The following RERE variants were observed in gnomAD, a reference collection of about 807,000 sequenced individuals.
RERE encodes the protein arginine-glutamic acid dipeptide repeats.
RERE carries 40 observed loss-of-function variants against 146.1 expected under a neutral mutation model. That is an observed-to-expected ratio of 0.27 (90% confidence interval 0.21 to 0.36). RERE has a LOEUF of 0.36. RERE is among the 10% of genes least tolerant of loss of function. RERE has a pLI of 1.00. For missense variants in RERE, 1,933 were observed against 2,138.7 expected (o/e 0.90, Z 1.90); for synonymous variants, 1,003 against 866.0 (o/e 1.16, Z -2.78).
intron 12 of RERE, among the ~76,000 whole-genome samples, chr1:8,386,539 GAACATACATTATTTAAGATGAATAT>G (rs1642686232): frequency 1.3e-5 from 1 of 78,478 alleles, no homozygotes; most frequent in Non-Finnish European, 3.2e-5. Context: ...GCAGTGAACT[GAACATACATTATTTAAGATGAATAT>G]CTAGAACTCT....
chr1:8,465,616 ATCAC>A (rs1348692644), intron 11 of RERE: 1 of 415,102 alleles, frequency 2.4e-6, no homozygotes, highest in Non-Finnish European at 4.7e-6. Context: ...ATAGGGAGGT[ATCAC>A]AAGCTAGCTT....
chr1:8,384,699 G>C (rs371796303), intron 12 of RERE, among the ~76,000 whole-genome samples: 1 of 152,190 alleles, frequency 6.6e-6, no homozygotes. Context: ...GCTCCCTCTA[G>C]TTACAGACAA....
intron 7 of RERE, among the ~76,000 whole-genome samples, chr1:8,534,380 A>G (rs1645697502): frequency 6.6e-6 from 1 of 152,250 alleles, no homozygotes; most frequent in Admixed American, 6.5e-5. Flanking sequence ...GAAATTCTGT[A>G]GTACTGGATT....
At position 8,656,274 on chromosome 1, in the gene RERE, G is replaced by A. The variant is rs1261174328; in HGVS notation, c.24C>T (p.Asp8=). MTADKDK[D]KDKEKDRDRD... ...GGTCCCGGTCCTTCTCTTTGTCTTT[G>A]TCTTTGTCTTTGTCCGCTGTCATGA... Residue 8 remains aspartate (D), a synonymous_variant, in exon 2 of 23, where the codon GAC becomes GAT. Coordinates refer to ENST00000400908, the MANE Select transcript of RERE (RefSeq NM_001042681.2). 3.1e-6 allele frequency: 5 copies of A among 1,612,610 alleles called. No homozygotes were observed. The highest frequency in any genetic ancestry group is 1.3e-5 in the African/African-American group (1 of 74,648).
At chr1:8,518,469 G>C (rs527523657) in intron 7 of RERE, among the ~76,000 whole-genome samples, 72 of 152,294 alleles carry the variant, frequency 4.7e-4, no homozygotes, top group African/African-American at 1.7e-3. Flanking sequence ...GTATTAAGTT[G>C]AGCAGGAAGA....
At chr1:8,476,346 TGCTACTGGG>T (rs771001904) in intron 10 of RERE, among the ~76,000 whole-genome samples, 1 of 152,182 alleles carries the variant, frequency 6.6e-6, no homozygotes, top group Non-Finnish European at 1.5e-5. Flanking sequence ...CCTAGAATGT[TGCTACTGGG>T]GCAGTTTAGG....
chr1:8,572,408 TTCTA>T (rs1646232275), intron 4 of RERE, among the ~76,000 whole-genome samples: 2 of 152,226 alleles, frequency 1.3e-5, no homozygotes, highest in Admixed American at 6.5e-5. Context: ...GCTGTGACTC[TTCTA>T]TCTATTGCTA....
intron 7 of RERE, among the ~76,000 whole-genome samples, chr1:8,539,046 GGTTA>G (rs1645763687): frequency 6.6e-6 from 1 of 152,076 alleles, no homozygotes; most frequent in Non-Finnish European, 1.5e-5. Context: ...AAATAATTTT[GGTTA>G]GTTGTTACAA....
intron 11 of RERE, among the ~76,000 whole-genome samples, chr1:8,427,842 G>T (rs887939037): frequency 1.8e-4 from 27 of 152,124 alleles, no homozygotes; most frequent in Admixed American, 2.0e-4. Context: ...ATTGGAAGGG[G>T]TCACACGTGA....
intron 1 of RERE, among the ~76,000 whole-genome samples, chr1:8,743,204 T>C (rs1640346737): frequency 2.6e-5 from 4 of 151,910 alleles, no homozygotes; most frequent in Admixed American, 2.6e-4. Flanking sequence ...GAGACCAACC[T>C]GGGCAACAAG....
intron 7 of RERE, among the ~76,000 whole-genome samples, chr1:8,532,504 T>A (rs1228587612): frequency 6.6e-6 from 1 of 152,148 alleles, no homozygotes; most frequent in Non-Finnish European, 1.5e-5. Flanking sequence ...CACTGCAACC[T>A]CCACCTCCTG....
intron 11 of RERE, among the ~76,000 whole-genome samples, chr1:8,447,794 G>A (rs528878441): frequency 3.3e-5 from 5 of 152,286 alleles, no homozygotes; most frequent in South Asian, 2.1e-4. Context: ...ACTTGCCTGC[G>A]TCTGCCACCC....
intron 2 of RERE, among the ~76,000 whole-genome samples, chr1:8,654,177 C>A (rs1647796493): frequency 6.6e-6 from 1 of 151,942 alleles, no homozygotes; most frequent in Admixed American, 6.6e-5. Flanking sequence ...GTAGCTGGGA[C>A]TGCAGTCTCA....
intron 1 of RERE, among the ~76,000 whole-genome samples, chr1:8,667,113 A>T (rs1468537320): frequency 1.3e-5 from 2 of 152,184 alleles, no homozygotes; most frequent in Non-Finnish European, 2.9e-5. Context: ...GCTTTGGGGA[A>T]ACAACTGAGA....
chr1:8,763,093 T>C (rs1370502410), intron 1 of RERE, among the ~76,000 whole-genome samples: 1 of 151,838 alleles, frequency 6.6e-6, no homozygotes, highest in Non-Finnish European at 1.5e-5. Flanking sequence ...AGGACGAAAA[T>C]GAAAACAGAA....
chr1:8,666,552 T>C (rs950575855), intron 1 of RERE, among the ~76,000 whole-genome samples: 3 of 152,188 alleles, frequency 2.0e-5, no homozygotes, highest in African/African-American at 7.2e-5. Context: ...CATATCAACA[T>C]GCCTGGGAAA....
At chr1:8,705,668 T>C (rs1166157401) in intron 1 of RERE, among the ~76,000 whole-genome samples, 1 of 152,224 alleles carries the variant, frequency 6.6e-6, no homozygotes, top group African/African-American at 2.4e-5. Context: ...TCTATATGTT[T>C]GCTCATCATG....
chr1:8,658,780 GAAAGAAA>G (rs1638388383), intron 1 of RERE, among the ~76,000 whole-genome samples: 1 of 151,012 alleles, frequency 6.6e-6, no homozygotes, highest in Admixed American at 6.6e-5. Flanking sequence ...AAGAAAGAAA[GAAAGAAA>G]AAAGAAAATT....
chr1:8,524,566 T>C (rs1160904459), intron 7 of RERE, among the ~76,000 whole-genome samples: 1 of 152,204 alleles, frequency 6.6e-6, no homozygotes, highest in Non-Finnish European at 1.5e-5. Context: ...TTCTATATTG[T>C]ATGCTTTCTT....
Sources: gnomAD v4.1 joint callset for allele counts (sites outside exome capture counted in the v4.1 genomes callset) on GRCh38, gnomAD v4.1.1 for gene constraint, MANE v1.5 for transcripts, NCBI Gene and HGNC (gene_info 2026-07-23, HGNC 2026-07-21) for gene names.